SLC22A3: variants seen among roughly 807,000 people sequenced by gnomAD.
The protein encoded by SLC22A3 is solute carrier family 22 member 3.
A neutral mutation model predicts 59.1 loss-of-function variants in SLC22A3; 51 were observed. That is an observed-to-expected ratio of 0.86 (90% CI 0.69 to 1.09). The LOEUF (loss-of-function observed/expected upper bound fraction) is 1.09. SLC22A3 is among the 50% of genes least tolerant of loss of function. The pLI, the probability that SLC22A3 is intolerant of heterozygous loss-of-function variation, is 0.00. For synonymous variants in SLC22A3, 325 were observed against 292.0 expected, an observed-to-expected ratio of 1.11 and a Z score of -1.15; for missense variants, 711 against 726.3, an observed-to-expected ratio of 0.98 and a Z score of 0.24.
intron 5 of SLC22A3, chr6:160,426,256 G>T: frequency 1.1e-5 from 11 of 985,386 alleles, no homozygotes; most frequent in Non-Finnish European, 1.3e-5. Context: ...TTGGATATTT[G>T]ACAAATTTGG....
rs774976522 is a variant in SLC22A3, at chr6:160,415,226, G to A, written c.975+4380G>A. ...GGAATTCAGCCACATTATGGGCCACGTCATAGTTTTCCATCTCAAAGGTCC... is the reference window on the plus strand; with the variant it reads ...GGAATTCAGCCACATTATGGGCCACATCATAGTTTTCCATCTCAAAGGTCC... On this transcript the variant is annotated intron_variant, in intron 5 of 10. Coordinates refer to ENST00000275300, the MANE Select transcript of SLC22A3 (RefSeq NM_021977.4). This position sits in a 1 kb window ranked among gnomAD's most constrained non-coding sequence, Gnocchi z 4.1. Among the ~76,000 whole-genome samples, 9 of 152,172 alleles carry A rather than the reference G, an allele frequency of 5.9e-5. No homozygotes were observed. Among genetic ancestry groups the A allele is most frequent in the South Asian group, 2.1e-4 (1 of 4,820 alleles).
intron 2 of SLC22A3, among the ~76,000 whole-genome samples, chr6:160,403,006 A>G (rs577146267): frequency 4.6e-5 from 7 of 151,720 alleles, no homozygotes; most frequent in African/African-American, 1.4e-4. Flanking sequence ...TATTAAACCC[A>G]AGGCAAGTAG....
In SLC22A3 at chr6:160,451,091, A is replaced by C; in HGVS notation, c.*35A>C. 1 of 1,568,302 alleles carries C rather than the reference A, an allele frequency of 6.4e-7. No homozygotes were observed. The highest frequency in any genetic ancestry group is 8.7e-7 in the Non-Finnish European group (1 of 1,151,080). ...CAAAGACAGAAAGAAGGAGCTATCCAGGAGCTGATCCTCCTTGCAAAGCTG... is the reference window on the plus strand; with the variant it reads ...CAAAGACAGAAAGAAGGAGCTATCCCGGAGCTGATCCTCCTTGCAAAGCTG... On this transcript the variant is annotated 3_prime_UTR_variant, in exon 11 of 11. Transcript: ENST00000275300.
intron 1 of SLC22A3, 166 bp downstream of exon 1, chr6:160,349,014 G>A: frequency 2.0e-6 from 2 of 985,468 alleles, no homozygotes; most frequent in South Asian, 4.7e-5. Context: ...TGGAAGTGCC[G>A]CGTCGTAAAT....
intron 5 of SLC22A3, among the ~76,000 whole-genome samples, chr6:160,434,597 T>C (rs1299962273): frequency 6.6e-6 from 1 of 152,244 alleles, no homozygotes; most frequent in Non-Finnish European, 1.5e-5. Flanking sequence ...TTTTAATGTA[T>C]TAACACATAG....
chr6:160,442,512 G>A (rs151062004), intron 7 of SLC22A3, among the ~76,000 whole-genome samples: 237 of 152,260 alleles, frequency 1.6e-3, no homozygotes, highest in African/African-American at 5.6e-3. Flanking sequence ...CTCAACAAAC[G>A]GTTCTTGAAT....
In SLC22A3 at chr6:160,415,701, C is replaced by T. The variant is rs371237376; in HGVS notation, c.975+4855C>T. ...TTCTCAGGGTGCCCATTATAGGGTG[C>T]GGAGAAGGTTAGAATGGATTTGAAA... On this transcript the variant is annotated intron_variant, in intron 5 of 10. Coordinates refer to ENST00000275300, the MANE Select transcript of SLC22A3 (RefSeq NM_021977.4). This position sits in a 1 kb window ranked among gnomAD's most constrained non-coding sequence, Gnocchi z 4.1. Among the ~76,000 whole-genome samples, 10 of 152,088 alleles carry T rather than the reference C, an allele frequency of 6.6e-5. No homozygotes were observed. The highest frequency in any genetic ancestry group is 7.2e-5 in the African/African-American group (3 of 41,398).
chr6:160,368,858 C>T (rs1785298763), intron 1 of SLC22A3, among the ~76,000 whole-genome samples: 2 of 152,192 alleles, frequency 1.3e-5, no homozygotes, highest in South Asian at 4.1e-4. Flanking sequence ...TCATTTCGTG[C>T]TCCCTGGTAC....
intron 8 of SLC22A3, 142 bp from the exon 9 acceptor site, chr6:160,443,488 T>A: frequency 1.5e-6 from 1 of 672,124 alleles, no homozygotes. Context: ...TGCTTAGAGT[T>A]CTGAGAGTAG....
At chr6:160,358,819 A>T (rs1307187667) in intron 1 of SLC22A3, among the ~76,000 whole-genome samples, 1 of 152,180 alleles carries the variant, frequency 6.6e-6, no homozygotes, top group Non-Finnish European at 1.5e-5. Context: ...TCAGAACCCC[A>T]CACTTCTTTC....
chr6:160,358,288 T>G (rs1784906033), intron 1 of SLC22A3, among the ~76,000 whole-genome samples: 1 of 152,162 alleles, frequency 6.6e-6, no homozygotes, highest in African/African-American at 2.4e-5. Flanking sequence ...GTGGGGAGAC[T>G]TAGGTAAATA....
chr6:160,448,909 TG>T (rs1788848298), intron 10 of SLC22A3, among the ~76,000 whole-genome samples: 1 of 152,162 alleles, frequency 6.6e-6, no homozygotes, highest in Non-Finnish European at 1.5e-5. Flanking sequence ...TAAAAAATGA[TG>T]TAACAGCTAA....
At chr6:160,399,985 T>G (rs1786697164) in intron 2 of SLC22A3, among the ~76,000 whole-genome samples, 1 of 151,140 alleles carries the variant, frequency 6.6e-6, no homozygotes, top group South Asian at 2.1e-4. Context: ...TAGATAAACA[T>G]GAACTGTAAT....
At position 160,425,816 on chromosome 6, in the gene SLC22A3, GAATA is replaced by G. The variant is rs555257223; in HGVS notation, c.976-10959_976-10956del. On this transcript the variant is annotated intron_variant, in intron 5 of 10. Coordinates refer to ENST00000275300, the MANE Select transcript of SLC22A3 (RefSeq NM_021977.4). ...ATAAATCAAGTCACCGTTCAAAGTT[GAATA>G]AATAGTGAACACAATATAACATTAA... 18 of 985,224 alleles carry G rather than the reference GAATA, an allele frequency of 1.8e-5. No homozygotes were observed. The East Asian group carries it at 2.0e-3, about 112-fold the overall frequency. The allele number at this position is 985,224 out of a possible 1,614,324, so 61.0% of individuals were successfully genotyped here. A position where few individuals can be genotyped will look rare whatever the true frequency, so the allele number is the denominator to read the frequency against.
At chr6:160,389,448 G>A (rs1288851209) in intron 1 of SLC22A3, among the ~76,000 whole-genome samples, 1 of 152,150 alleles carries the variant, frequency 6.6e-6, no homozygotes, top group Non-Finnish European at 1.5e-5. Flanking sequence ...AACTGACAGG[G>A]TTCTGTTCTT....
chr6:160,363,616 C>A (rs76525190), intron 1 of SLC22A3, among the ~76,000 whole-genome samples: 4,764 of 152,254 alleles, frequency 0.031, 242 homozygotes, highest in African/African-American at 0.11. Context: ...TTGCCCACTC[C>A]CCACAGGACA....
At chr6:160,437,345 C>A in intron 7 of SLC22A3, 134 bp downstream of exon 7, 1 of 909,252 alleles carries the variant, frequency 1.1e-6, no homozygotes, top group Non-Finnish European at 1.7e-6. Flanking sequence ...ACTCCATTTT[C>A]TGCTTAATCA....
intron 1 of SLC22A3, among the ~76,000 whole-genome samples, chr6:160,386,346 G>A (rs1786013901): frequency 6.6e-6 from 1 of 152,242 alleles, no homozygotes; most frequent in South Asian, 2.1e-4. Flanking sequence ...GAAAGGTTGT[G>A]GCACTGCAGG....
At position 160,408,794 on chromosome 6, in the gene SLC22A3, A is replaced by G. The variant is rs1787122876; in HGVS notation, c.730A>G (p.Ile244Val). 1.9e-5 allele frequency: 30 copies of G among 1,613,784 alleles called. No individual in the cohort carries two copies. The highest frequency in any genetic ancestry group is 2.5e-5 in the Non-Finnish European group (30 of 1,179,814). ...VGSKQRRIVG[I>V]VIQMFFTLGI... ...TTCGAAACAAAGGAGGATTGTGGGA[A>G]TCGTGATTCAAATGTTCTTTACCCT... The change falls in exon 4 of 11, where the codon ATC becomes GTC. Residue 244 changes from isoleucine (I) to valine (V), a missense_variant. Physicochemically the swap from Ile to Val is conservative, Grantham distance 29. Coordinates refer to ENST00000275300, the MANE Select transcript of SLC22A3 (RefSeq NM_021977.4).
Sources: gnomAD v4.1 joint callset for allele counts (sites outside exome capture counted in the v4.1 genomes callset) on GRCh38, gnomAD v4.1.1 for gene constraint, Gnocchi (gnomAD v3.1) non-coding constraint, MANE v1.5 for transcripts, NCBI Gene and HGNC (gene_info 2026-07-23, HGNC 2026-07-21) for gene names.